Variants in SLC11A2 observed in about 807,000 individuals in gnomAD.
The protein encoded by SLC11A2 is natural resistance-associated macrophage protein 2.
SLC11A2 carries 38 observed loss-of-function variants against 68.0 expected under a neutral mutation model. The observed-to-expected ratio is 0.56, with a 90% CI of 0.43 to 0.73. The LOEUF (loss-of-function observed/expected upper bound fraction) is 0.73. Among genes scored for constraint, SLC11A2 ranks in the 30% least tolerant of loss-of-function variants. The pLI is 0.00. For synonymous variants in SLC11A2, 242 were observed against 250.6 expected (o/e 0.97, Z 0.32); for missense variants, 517 against 690.5 (o/e 0.75, Z 2.82).
intron 1 of SLC11A2, among the ~76,000 whole-genome samples, chr12:51,011,248 C>T (rs998083343): frequency 1.6e-4 from 25 of 151,872 alleles, no homozygotes; most frequent in African/African-American, 5.6e-4. Context: ...CCTGCCTCAG[C>T]CTCCCGAGTA....
chr12:50,955,983 AC>A, the SLC11A2 span, among the ~76,000 whole-genome samples: 3 of 152,264 alleles, frequency 2.0e-5, no homozygotes, highest in Non-Finnish European at 4.4e-5. Context: ...TATATGGAAA[AC>A]AGTAAAGGTT....
Position 51,018,577 on chromosome 12 carries a change from A to G in SLC11A2, c.-39+7733T>C, listed in dbSNP as rs1170502300. On this transcript the variant is annotated intron_variant, in intron 1 of 15. Transcript: ENST00000262052. ...TGGAAGGCCAAGGCGAGCAGAGTTC[A>G]ATGCCAGCCTGGGCAACAGGGCAAA... 4.0e-5 allele frequency among the ~76,000 whole-genome samples: 6 copies of G among 151,292 alleles called. No individual in the cohort carries two copies. In the South Asian group the frequency reaches 8.4e-4, roughly 21 times the overall value.
chr12:51,010,850 T>C, intron 1 of SLC11A2, 84 bp from the exon 2 acceptor site: 1 of 579,592 alleles, frequency 1.7e-6, no homozygotes, highest in Non-Finnish European at 3.1e-6. Flanking sequence ...TCTGTATGAC[T>C]GAATCCTTAC....
At chr12:50,963,307 C>T in the SLC11A2 span, among the ~76,000 whole-genome samples, 1 of 139,198 alleles carries the variant, frequency 7.2e-6, no homozygotes, top group Non-Finnish European at 1.5e-5. Context: ...GAAGCGGAGG[C>T]TGCAGTGAAC....
At chr12:50,997,450 C>T (rs1408779216) in intron 8 of SLC11A2, among the ~76,000 whole-genome samples, 4 of 151,962 alleles carry the variant, frequency 2.6e-5, no homozygotes, top group African/African-American at 9.7e-5. Context: ...GCCTATAATC[C>T]CAGCACTTTA....
intron 3 of SLC11A2, 51 bp from the exon 4 acceptor site, chr12:51,005,487 G>A (rs760953660): frequency 1.4e-5 from 22 of 1,608,166 alleles, no homozygotes; most frequent in Non-Finnish European, 1.6e-5. Context: ...TTGAACTACT[G>A]ATATAATTGG....
At chr12:50,955,050 G>A in the SLC11A2 span, among the ~76,000 whole-genome samples, 1 of 152,266 alleles carries the variant, frequency 6.6e-6, no homozygotes, top group East Asian at 1.9e-4. Context: ...CCAGCACTTT[G>A]AGAGGCCGAG....
At chr12:50,995,500 G>T in intron 10 of SLC11A2, 129 bp downstream of exon 10, 2 of 961,690 alleles carry the variant, frequency 2.1e-6, no homozygotes, top group Non-Finnish European at 3.3e-6. Context: ...ATTTTGGGGG[G>T]CAGACGAGAA....
chr12:50,960,850 T>C, the SLC11A2 span: 4 of 233,230 alleles, frequency 1.7e-5, no homozygotes, highest in South Asian at 4.4e-4. Flanking sequence ...GTGTGGCTAA[T>C]TTTTTTTTTT....
At chr12:51,026,401 T>TC (rs1296480849), upstream of SLC11A2, 10 of 1,258,864 alleles carry the variant, frequency 7.9e-6, no homozygotes, top group Middle Eastern at 3.3e-4. Flanking sequence ...CGCCCTCCCC[T>TC]CCCCGCGATT....
the SLC11A2 span, among the ~76,000 whole-genome samples, chr12:50,967,543 T>A: frequency 6.6e-6 from 1 of 152,178 alleles, no homozygotes; most frequent in Non-Finnish European, 1.5e-5. Context: ...CCCAAAGTGC[T>A]GGGATGACAG....
downstream of SLC11A2, chr12:50,985,907 G>T (rs1200259495): frequency 1.0e-6 from 1 of 986,950 alleles, no homozygotes; most frequent in Non-Finnish European, 1.2e-6. Flanking sequence ...GGTGGTAGTT[G>T]CTGTTTCAGT....
intron 1 of SLC11A2, among the ~76,000 whole-genome samples, chr12:51,025,393 GAAGA>G (rs1400949766): frequency 1.3e-5 from 2 of 152,290 alleles, no homozygotes; most frequent in South Asian, 2.1e-4. Context: ...TGGAACAAAA[GAAGA>G]AAGAGGCAAA....
At chr12:51,023,112 A>G (rs993426726) in intron 1 of SLC11A2, among the ~76,000 whole-genome samples, 1 of 152,196 alleles carries the variant, frequency 6.6e-6, no homozygotes, top group African/African-American at 2.4e-5. Context: ...GGGGCCAATT[A>G]ATGTAAATTG....
rs940475939 is a variant in SLC11A2, at chr12:51,000,192, C to T, written c.536+121G>A. The T allele has an allele frequency of 1.2e-5, 9 of 749,810 alleles. No individual in the cohort carries two copies. In the African/African-American group the frequency reaches 1.5e-4, roughly 13 times the overall value. The allele number at this position is 749,810 out of a possible 1,614,324, so 46.4% of individuals were successfully genotyped here. On this transcript the variant is annotated intron_variant, in intron 6 of 15. Coordinates refer to ENST00000262052, the MANE Select transcript of SLC11A2 (RefSeq NM_000617.3). Reference sequence around the variant, plus strand: ...AGAAGAAATTGTTTCCAGAAAGGTTCCACAGAAGAAATAACAATTGAGTTG... The same window carrying T: ...AGAAGAAATTGTTTCCAGAAAGGTTTCACAGAAGAAATAACAATTGAGTTG...
intron 1 of SLC11A2, among the ~76,000 whole-genome samples, chr12:51,017,005 C>G (rs1364450583): frequency 6.6e-6 from 1 of 151,180 alleles, no homozygotes; most frequent in African/African-American, 2.4e-5. Flanking sequence ...AAAGCAAGAC[C>G]CTGTCTCAAA....
At chr12:50,994,998 G>A in intron 10 of SLC11A2, 1 of 306,382 alleles carries the variant, frequency 3.3e-6, no homozygotes, top group Non-Finnish European at 6.2e-6. Context: ...CCATAGACGG[G>A]AAACAAATGG....
At chr12:50,954,508 C>A in the SLC11A2 span, among the ~76,000 whole-genome samples, 4 of 152,282 alleles carry the variant, frequency 2.6e-5, no homozygotes, top group African/African-American at 9.6e-5. Flanking sequence ...ACTTTAAGTT[C>A]TTACATCTTC....
the SLC11A2 span, among the ~76,000 whole-genome samples, chr12:50,958,308 G>A: frequency 6.9e-6 from 1 of 144,680 alleles, no homozygotes; most frequent in Admixed American, 6.9e-5. Context: ...TTTAGACGGA[G>A]TCTTGCTCTG....
Sources: allele counts gnomAD v4.1 joint callset (sites outside exome capture counted in the v4.1 genomes callset), GRCh38; gene constraint gnomAD v4.1.1; transcripts MANE v1.5; gene names NCBI Gene and HGNC (gene_info 2026-07-23, HGNC 2026-07-21).